Variants in THSD7B observed in about 807,000 individuals in gnomAD.
THSD7B encodes the protein thrombospondin type-1 domain-containing protein 7B.
A neutral mutation model predicts 213.6 loss-of-function variants in THSD7B; 138 were observed. The ratio of observed to expected loss-of-function variants is 0.65; its 90% CI spans 0.56 to 0.74. The LOEUF is 0.74. Among genes scored for constraint, THSD7B ranks in the 30% least tolerant of loss-of-function variants. THSD7B has a pLI of 0.00. For synonymous variants in THSD7B, 742 were observed against 687.0 expected (o/e 1.08, Z -1.25); for missense variants, 1,931 against 1,991.5 (o/e 0.97, Z 0.58).
chr2:137,024,667 T>C (rs1686511659), intron 2 of THSD7B, among the ~76,000 whole-genome samples: 1 of 151,994 alleles, frequency 6.6e-6, no homozygotes, highest in African/African-American at 2.4e-5. Flanking sequence ...ACATAGCCCA[T>C]GCCAGGTACT....
At chr2:136,967,966 T>C (rs1443457228) in intron 2 of THSD7B, among the ~76,000 whole-genome samples, 1 of 152,210 alleles carries the variant, frequency 6.6e-6, no homozygotes, top group Non-Finnish European at 1.5e-5. Flanking sequence ...TTTTTATTGC[T>C]GTATAGCCCT....
In THSD7B at chr2:137,501,575, C is replaced by T. The variant is rs528539108; in HGVS notation, c.3138+50552C>T. 5.3e-5 allele frequency among the ~76,000 whole-genome samples: 8 copies of T among 152,118 alleles called. No individual in the cohort carries two copies. The South Asian group carries it at 1.5e-3, about 28-fold the overall frequency. On this transcript the variant is annotated intron_variant, in intron 15 of 27. Transcript: ENST00000409968. ...TGCTATTATTCATCTTAGATGATAC[C>T]TCTATAGGTTTCTTCAGCAATAGGA...
At chr2:137,266,236 T>C (rs1179616953) in intron 10 of THSD7B, among the ~76,000 whole-genome samples, 2 of 152,230 alleles carry the variant, frequency 1.3e-5, no homozygotes, top group Non-Finnish European at 2.9e-5. Flanking sequence ...TCCTAGCAGT[T>C]ATAAGAACTA....
At chr2:136,800,665 G>C (rs2104921420) in intron 1 of THSD7B, among the ~76,000 whole-genome samples, 1 of 151,660 alleles carries the variant, frequency 6.6e-6, no homozygotes, top group Non-Finnish European at 1.5e-5. Flanking sequence ...CGTTTTTCAA[G>C]TAACTGCAGA....
At chr2:137,362,665 C>A (rs1196150610) in intron 12 of THSD7B, among the ~76,000 whole-genome samples, 3 of 152,168 alleles carry the variant, frequency 2.0e-5, no homozygotes, top group Admixed American at 2.0e-4. Flanking sequence ...GTAAAGGGAT[C>A]AATTCAACAA....
At chr2:137,143,146 G>T (rs1285822086) in intron 5 of THSD7B, among the ~76,000 whole-genome samples, 1 of 152,026 alleles carries the variant, frequency 6.6e-6, no homozygotes, top group Non-Finnish European at 1.5e-5. Flanking sequence ...TTATGCCCTG[G>T]CTATGCCTGG....
rs1308593578 is a variant in THSD7B, at chr2:136,890,424, CTT to C, written c.139+8108_139+8109del. ...TCCTCTTCCTCTTCTTCTTCTTCTT[CTT>C]CTTCTTCTTCTTCTTCTTCTTCTTC... On this transcript the variant is annotated intron_variant, in intron 2 of 27. Transcript: ENST00000409968. Among the ~76,000 whole-genome samples the C allele has an allele frequency of 9.3e-3, 28 of 3,024 alleles. 1 individual carries two copies. Among genetic ancestry groups the C allele is most frequent in the East Asian group, 0.25 (2 of 8 alleles). 2.0% of individuals were successfully genotyped at this position (3,024 alleles called of 152,430 possible).
intron 15 of THSD7B, among the ~76,000 whole-genome samples, chr2:137,517,942 G>C (rs1397968124): frequency 1.3e-5 from 2 of 152,122 alleles, no homozygotes; most frequent in African/African-American, 4.8e-5. Flanking sequence ...CATGCAACCT[G>C]AACTGCCTAT....
intron 12 of THSD7B, among the ~76,000 whole-genome samples, chr2:137,286,347 A>G (rs1349667814): frequency 6.6e-6 from 1 of 152,136 alleles, no homozygotes; most frequent in African/African-American, 2.4e-5. Flanking sequence ...TGGAAAACAC[A>G]TAGAAATATA....
intron 1 of THSD7B, among the ~76,000 whole-genome samples, chr2:136,873,497 T>C (rs1234623305): frequency 6.6e-6 from 1 of 152,196 alleles, no homozygotes; most frequent in Non-Finnish European, 1.5e-5. Context: ...TAATACCTGT[T>C]TTTTCCTTCG....
intron 18 of THSD7B, among the ~76,000 whole-genome samples, chr2:137,617,023 T>C (rs1056895574): frequency 5.5e-5 from 8 of 145,656 alleles, no homozygotes; most frequent in African/African-American, 2.1e-4. Context: ...CAATTGCCTT[T>C]TCTGAAAGAA....
At chr2:137,205,309 G>A (rs576130480) in intron 7 of THSD7B, among the ~76,000 whole-genome samples, 1 of 152,140 alleles carries the variant, frequency 6.6e-6, no homozygotes, top group Non-Finnish European at 1.5e-5. Flanking sequence ...TGGTCCCAGA[G>A]GAACTCCAGA....
chr2:137,520,870 A>G (rs1368425342), intron 15 of THSD7B, among the ~76,000 whole-genome samples: 3 of 152,242 alleles, frequency 2.0e-5, no homozygotes, highest in Non-Finnish European at 4.4e-5. Flanking sequence ...ATGCTGGATG[A>G]ATCATGATTC....
intron 27 of THSD7B, among the ~76,000 whole-genome samples, chr2:137,669,718 C>T (rs1181213812): frequency 6.6e-6 from 1 of 152,150 alleles, no homozygotes; most frequent in Non-Finnish European, 1.5e-5. Flanking sequence ...TAGATGAATT[C>T]TAGCTGTTAG....
chr2:137,549,005 T>A (rs1029429860), intron 15 of THSD7B, among the ~76,000 whole-genome samples: 2 of 152,036 alleles, frequency 1.3e-5, no homozygotes, highest in Non-Finnish European at 1.5e-5. Flanking sequence ...CCACTGAGAA[T>A]AACAGGGAGT....
At chr2:137,502,446 C>T (rs914451698) in intron 15 of THSD7B, among the ~76,000 whole-genome samples, 2 of 152,048 alleles carry the variant, frequency 1.3e-5, no homozygotes, top group South Asian at 4.1e-4. Flanking sequence ...AGGTCAGAGA[C>T]AAATCTTACA....
Position 137,170,733 on chromosome 2 carries a change from C to G in THSD7B, c.1526-8C>G, listed in dbSNP as rs764653027. On this transcript the variant is annotated splice_region_variant and splice_polypyrimidine_tract_variant and intron_variant, in intron 6 of 27. Coordinates refer to ENST00000409968, the MANE Select transcript of THSD7B (RefSeq NM_001316349.2). ...ATTCTCTGAAAATTCTTTTCTCTCT[C>G]TTTTTAGGATTTAGAACGAGGCAGC... is the stretch of plus-strand genomic sequence containing the variant. The G allele has an allele frequency of 6.9e-6, 11 of 1,604,586 alleles. No homozygotes were observed. In the South Asian group the frequency reaches 1.2e-4, roughly 18 times the overall value.
chr2:136,854,159 GC>G (rs1421606529), intron 1 of THSD7B, among the ~76,000 whole-genome samples: 6 of 151,704 alleles, frequency 4.0e-5, no homozygotes, highest in African/African-American at 1.5e-4. Flanking sequence ...TTGCTTCTAG[GC>G]CCTCTTAGGA....
intron 14 of THSD7B, among the ~76,000 whole-genome samples, chr2:137,445,483 A>G (rs1687517949): frequency 6.6e-6 from 1 of 151,992 alleles, no homozygotes; most frequent in African/African-American, 2.4e-5. Context: ...AGAGGAGATT[A>G]TGTTACATGA....
Sources: gnomAD v4.1 joint callset for allele counts (sites outside exome capture counted in the v4.1 genomes callset) on GRCh38, gnomAD v4.1.1 for gene constraint, MANE v1.5 for transcripts, NCBI Gene and HGNC (gene_info 2026-07-23, HGNC 2026-07-21) for gene names.